The following STIMATE variants were observed in gnomAD, a reference collection of about 807,000 sequenced individuals.
STIMATE encodes the protein STIM activating enhancer, also known as store-operated calcium entry regulator STIMATE.
STIMATE carries 15 observed loss-of-function variants against 36.7 expected under a neutral mutation model. That is an observed-to-expected ratio of 0.41 (90% confidence interval 0.27 to 0.63). STIMATE has a LOEUF of 0.63. Ranked by LOEUF, STIMATE falls within the 20% of genes least tolerant of loss-of-function variation. The pLI, the probability that STIMATE is intolerant of heterozygous loss-of-function variation, is 0.32. For missense variants in STIMATE, 305 were observed against 397.3 expected (o/e 0.77, Z 1.98); for synonymous variants, 163 against 162.3 (o/e 1.00, Z -0.03).
intron 1 of STIMATE, among the ~76,000 whole-genome samples, chr3:52,892,072 G>A (rs1701792345): frequency 6.6e-6 from 1 of 152,204 alleles, no homozygotes; most frequent in Admixed American, 6.5e-5. Context: ...CAGGGATCCT[G>A]TTATTTTTAA....
At chr3:52,843,225 T>C (rs1301632771) in intron 6 of STIMATE, 3 of 562,802 alleles carry the variant, frequency 5.3e-6, no homozygotes, top group African/African-American at 1.9e-5. Flanking sequence ...ACAGCCTGTT[T>C]GGGGCCTGGA....
At chr3:52,857,741 T>C (rs558823121) in intron 1 of STIMATE, among the ~76,000 whole-genome samples, 2 of 149,860 alleles carry the variant, frequency 1.3e-5, no homozygotes, top group Non-Finnish European at 3.0e-5. Context: ...ATATAATAAA[T>C]CTTATAATTA....
rs1478672747 is a variant in STIMATE at position 52,838,355 on chromosome 3, T to C, written c.*2139A>G. 1.3e-5 allele frequency: 2 copies of C among 152,108 alleles called. No homozygotes were observed. The highest frequency in any genetic ancestry group is 6.5e-5 in the Admixed American group (1 of 15,274). The allele number at this position is 152,108 out of a possible 1,614,324, so 9.4% of individuals were successfully genotyped here. On this transcript the variant is annotated 3_prime_UTR_variant, in exon 8 of 8. Transcript: ENST00000355083. ...CTCAAGACTGAACATGAAGCTCCAA[T>C]TGTGAGCTCCAGGAAGGTGGAAGAA...
chr3:52,874,706 A>C (rs1364828763), intron 1 of STIMATE, among the ~76,000 whole-genome samples: 3 of 152,054 alleles, frequency 2.0e-5, no homozygotes, highest in Non-Finnish European at 4.4e-5. Context: ...ACTGAAAATA[A>C]AAAAATTAGC....
In STIMATE at chr3:52,839,919, C is replaced by A. The variant is rs749534064; in HGVS notation, c.*575G>T. On this transcript the variant is annotated 3_prime_UTR_variant, in exon 8 of 8. Coordinates refer to ENST00000355083, the MANE Select transcript of STIMATE (RefSeq NM_198563.5). ...AAAAATCTCTGTTTTGCCCATTAGTCCCGTAAGTACTTTGTAGGAAATAAA... is the reference window on the plus strand; with the variant it reads ...AAAAATCTCTGTTTTGCCCATTAGTACCGTAAGTACTTTGTAGGAAATAAA... The A allele has an allele frequency of 6.6e-6, 1 of 152,612 alleles. No homozygotes were observed. The highest frequency in any genetic ancestry group is 1.5e-5 in the Non-Finnish European group (1 of 68,034). 9.5% of individuals were successfully genotyped at this position (152,612 alleles called of 1,614,324 possible).
chr3:52,849,729 G>C, intron 4 of STIMATE, 63 bp downstream of exon 4: 3 of 1,561,540 alleles, frequency 1.9e-6, no homozygotes, highest in Middle Eastern at 1.7e-4. Context: ...GGGCCGCATG[G>C]GGCAAGGAGC....
chr3:52,855,448 A>G lies in STIMATE; in HGVS notation c.161-4T>C. Reference sequence around the variant, plus strand: ...TTTGGTTCTCTGAAGCGTTTGACTGAAAGAAAAGACAGACATCAGTAGTTT... The same window carrying G: ...TTTGGTTCTCTGAAGCGTTTGACTGGAAGAAAAGACAGACATCAGTAGTTT... On this transcript the variant is annotated splice_polypyrimidine_tract_variant and splice_region_variant and intron_variant, in intron 1 of 7. Transcript: ENST00000355083. The G allele has an allele frequency of 6.2e-7, 1 of 1,614,116 alleles. No homozygotes were observed. Among genetic ancestry groups the G allele is most frequent in the Non-Finnish European group, 8.5e-7 (1 of 1,180,004 alleles).
At chr3:52,897,144 T>G (rs925176430) in intron 1 of STIMATE, 147 bp downstream of exon 1, 52 of 1,048,390 alleles carry the variant, frequency 5.0e-5, no homozygotes, top group Non-Finnish European at 6.6e-5. Context: ...GGGCTACCCC[T>G]AGTGCAGGAA....
intron 1 of STIMATE, among the ~76,000 whole-genome samples, chr3:52,862,302 C>T (rs889113947): frequency 2.6e-5 from 4 of 152,206 alleles, no homozygotes; most frequent in Admixed American, 2.6e-4. Context: ...CTTTCCTGTG[C>T]TGATGAGACT....
chr3:52,845,007 C>T lies in STIMATE; in HGVS notation c.428-66G>A, dbSNP rs575916017. ...CATCTGAGTGAGATGATGTCCCCAC[C>T]CCACTCCCCCACACGCACCCCAGAA... On this transcript the variant is annotated intron_variant, in intron 4 of 7. Transcript: ENST00000355083. 3.2e-5 allele frequency: 49 copies of T among 1,529,958 alleles called. 1 individual carries two copies. In the Middle Eastern group the frequency reaches 7.9e-4, roughly 25 times the overall value. The allele number at this position is 1,529,958 out of a possible 1,614,324, so 94.8% of individuals were successfully genotyped here. A position where few individuals can be genotyped will look rare whatever the true frequency, so the allele number is the denominator to read the frequency against.
intron 1 of STIMATE, among the ~76,000 whole-genome samples, chr3:52,886,554 C>T (rs1022487212): frequency 2.0e-5 from 3 of 152,212 alleles, no homozygotes; most frequent in Admixed American, 6.5e-5. Flanking sequence ...ACACATGTGA[C>T]TCAGTTTCGT....
At chr3:52,885,275 G>A (rs918264084) in intron 1 of STIMATE, among the ~76,000 whole-genome samples, 1 of 151,872 alleles carries the variant, frequency 6.6e-6, no homozygotes, top group East Asian at 1.9e-4. Flanking sequence ...TTTTTTCTGA[G>A]TTCTAAGAAT....
chr3:52,852,494 C>T, intron 3 of STIMATE, 109 bp downstream of exon 3: 2 of 1,350,442 alleles, frequency 1.5e-6, no homozygotes, highest in East Asian at 4.6e-5. Flanking sequence ...AAAAGGGGAG[C>T]ACCCTCTCCC....
chr3:52,846,113 G>T (rs1410072702), intron 4 of STIMATE, among the ~76,000 whole-genome samples: 1 of 152,212 alleles, frequency 6.6e-6, no homozygotes, highest in African/African-American at 2.4e-5. Context: ...GTACACAAGG[G>T]AATGACTTTA....
At chr3:52,896,056 T>C (rs2106742871) in intron 1 of STIMATE, 6 of 737,338 alleles carry the variant, frequency 8.1e-6, no homozygotes, top group South Asian at 1.4e-5. Flanking sequence ...TGGGCACTTA[T>C]AAGACTTATC....
At chr3:52,864,458 T>C (rs1185266287) in intron 1 of STIMATE, among the ~76,000 whole-genome samples, 2 of 152,198 alleles carry the variant, frequency 1.3e-5, no homozygotes, top group Non-Finnish European at 2.9e-5. Context: ...CATTTTCTCC[T>C]AGGCCTGTGA....
intron 1 of STIMATE, among the ~76,000 whole-genome samples, chr3:52,871,480 C>A (rs1033405801): frequency 6.6e-6 from 1 of 152,202 alleles, no homozygotes; most frequent in Non-Finnish European, 1.5e-5. Context: ...AAACCCACTC[C>A]TCCTGCCCCA....
chr3:52,897,229 AG>A (rs990186001), intron 1 of STIMATE, 61 bp downstream of exon 1: 5 of 1,511,912 alleles, frequency 3.3e-6, no homozygotes, highest in South Asian at 2.4e-5. Flanking sequence ...AGGGGCCCCC[AG>A]GGGGGCCGGG....
At chr3:52,881,011 A>C (rs1559498070) in intron 1 of STIMATE, among the ~76,000 whole-genome samples, 1 of 152,060 alleles carries the variant, frequency 6.6e-6, no homozygotes, top group Non-Finnish European at 1.5e-5. Context: ...CAACATGGTG[A>C]AACCCTGTCT....
Sources: allele counts gnomAD v4.1 joint callset (sites outside exome capture counted in the v4.1 genomes callset), GRCh38; gene constraint gnomAD v4.1.1; transcripts MANE v1.5; gene names NCBI Gene and HGNC (gene_info 2026-07-23, HGNC 2026-07-21).